Variants in SLC7A7 observed in about 807,000 individuals in gnomAD.
SLC7A7 encodes the protein Y+L amino acid transporter 1.
In SLC7A7, 39 loss-of-function variants were observed where a neutral mutation model predicts 47.9. The ratio of observed to expected loss-of-function variants is 0.81; its 90% CI spans 0.63 to 1.06. The LOEUF (loss-of-function observed/expected upper bound fraction) is 1.06, where lower values mean the gene tolerates loss of function less well. SLC7A7 is among the 50% of genes least tolerant of loss of function. The pLI, the probability that SLC7A7 is intolerant of heterozygous loss-of-function variation, is 0.00. For missense variants in SLC7A7, 588 were observed against 632.0 expected, an observed-to-expected ratio of 0.93 and a Z score of 0.75; for synonymous variants, 234 against 242.8, an observed-to-expected ratio of 0.96 and a Z score of 0.34.
intron 1 of SLC7A7, 84 bp from the exon 2 acceptor site, chr14:22,813,524 G>A (rs571845847): frequency 9.7e-6 from 12 of 1,237,862 alleles, no homozygotes; most frequent in East Asian, 7.3e-5. Flanking sequence ...AGGGTAATAC[G>A]GGCAGCTCAC....
upstream of SLC7A7, among the ~76,000 whole-genome samples, chr14:22,818,457 T>C (rs75710040): frequency 2.5e-3 from 376 of 152,102 alleles, 14 homozygotes; most frequent in East Asian, 0.067. Context: ...CAGCTCACAT[T>C]TCTCCCTGAG....
intron 2 of SLC7A7, among the ~76,000 whole-genome samples, chr14:22,781,838 C>T (rs2038724695): frequency 6.6e-6 from 1 of 152,146 alleles, no homozygotes; most frequent in African/African-American, 2.4e-5. Flanking sequence ...AGGATGCTGC[C>T]ACATTGTCAG....
intron 2 of SLC7A7, among the ~76,000 whole-genome samples, chr14:22,795,442 CTTTTCTATTCTTTTCT>C (rs1435251097): frequency 1.1e-3 from 88 of 76,606 alleles, no homozygotes; most frequent in Non-Finnish European, 2.2e-3. Context: ...TTCTTTCTTT[CTTTTCTATTCTTTTCT>C]TTTCTTTTCT....
chr14:22,786,377 C>T (rs1351202934), intron 2 of SLC7A7, among the ~76,000 whole-genome samples: 1 of 152,104 alleles, frequency 6.6e-6, no homozygotes, highest in Non-Finnish European at 1.5e-5. Flanking sequence ...CAGGCTAAAA[C>T]CCAGATTTTA....
intron 3 of SLC7A7, 47 bp from the exon 4 acceptor site, chr14:22,778,984 C>G (rs1566442829): frequency 6.2e-7 from 1 of 1,610,532 alleles, no homozygotes; most frequent in African/African-American, 1.3e-5. Context: ...GGCTCATTCT[C>G]CCACTTCAAG....
Position 22,773,695 on chromosome 14 carries a change from T to C in SLC7A7, c.1451A>G (p.Gln484Arg), listed in dbSNP as rs773635994. The C allele has an allele frequency of 1.1e-5, 18 of 1,614,052 alleles. No individual in the cohort carries two copies. Among genetic ancestry groups the C allele is most frequent in the Non-Finnish European group, 1.4e-5 (17 of 1,180,036 alleles). Reference protein sequence around the residue: ...RIVGSATRYLQVLCMSVAAEM... With the variant: ...RIVGSATRYLRVLCMSVAAEM... ...TGCAGCAACTGACATACACAGGACC[T>C]GGAGGTACCTTGTGGCAGACCCTAC... Residue 484 changes from glutamine (Q) to arginine (R), a missense_variant, in exon 10 of 10, where the codon CAG (glutamine) becomes CGG (arginine). Coordinates refer to ENST00000674313, the MANE Select transcript of SLC7A7 (RefSeq NM_003982.4).
chr14:22,803,295 G>A (rs2039146915), intron 2 of SLC7A7, among the ~76,000 whole-genome samples: 1 of 151,890 alleles, frequency 6.6e-6, no homozygotes, highest in Non-Finnish European at 1.5e-5. Flanking sequence ...GGCAGCGCCT[G>A]TAATCCCATC....
chr14:22,790,253 TG>T (rs1388185670), intron 2 of SLC7A7, among the ~76,000 whole-genome samples: 1 of 146,042 alleles, frequency 6.8e-6, no homozygotes, highest in African/African-American at 2.6e-5. Flanking sequence ...TGCTTGAGCC[TG>T]GGGAGGTCAA....
At chr14:22,816,021 C>G, upstream of SLC7A7, 1 of 228,814 alleles carries the variant, frequency 4.4e-6, no homozygotes, top group Non-Finnish European at 9.0e-6. Flanking sequence ...GCCCCAAAGT[C>G]TGAGCCTCAG....
chr14:22,796,972 A>G (rs886257807), intron 2 of SLC7A7, among the ~76,000 whole-genome samples: 4 of 152,212 alleles, frequency 2.6e-5, no homozygotes, highest in African/African-American at 9.7e-5. Context: ...AATCAATAAG[A>G]TGCATATGAT....
At chr14:22,782,836 C>T (rs369287453) in intron 2 of SLC7A7, among the ~76,000 whole-genome samples, 1 of 151,858 alleles carries the variant, frequency 6.6e-6, no homozygotes, top group African/African-American at 2.4e-5. Context: ...AATCATAGCT[C>T]ACTGCAGCAT....
Position 22,815,428 on chromosome 14 carries a change from T to C in SLC7A7, c.-151A>G. 6.6e-6 allele frequency: 3 copies of C among 454,038 alleles called. No homozygotes were observed. The highest frequency in any genetic ancestry group is 1.3e-5 in the Non-Finnish European group (3 of 226,690). 28.1% of individuals were successfully genotyped at this position (454,038 alleles called of 1,614,324 possible). A position where few individuals can be genotyped will look rare whatever the true frequency, so the allele number is the denominator to read the frequency against. ...GATGCTCCTCCTTCCCAGCCAGCAG[T>C]AAAAGGGAAGGCCAGACAAATGCCT... is the stretch of plus-strand genomic sequence containing the variant. On this transcript the variant is annotated 5_prime_UTR_variant, in exon 1 of 10. Transcript: ENST00000674313.
chr14:22,796,024 A>C (rs1170230513), intron 2 of SLC7A7, among the ~76,000 whole-genome samples: 1 of 152,188 alleles, frequency 6.6e-6, no homozygotes, highest in East Asian at 1.9e-4. Context: ...TCCAAAGTTC[A>C]CAACAAACCC....
At chr14:22,802,999 C>T (rs58995711) in intron 2 of SLC7A7, among the ~76,000 whole-genome samples, 26,615 of 152,038 alleles carry the variant, frequency 0.18, 2,520 homozygotes, top group African/African-American at 0.23. Context: ...TATTGAGCAC[C>T]TAGCAGATAC....
chr14:22,780,148 A>T, intron 2 of SLC7A7, 97 bp from the exon 3 acceptor site: 1 of 1,546,790 alleles, frequency 6.5e-7, no homozygotes, highest in Non-Finnish European at 8.9e-7. Context: ...CAAGATATAT[A>T]TACCCTTCAG....
chr14:22,800,370 A>G (rs1484043503), intron 2 of SLC7A7, among the ~76,000 whole-genome samples: 1 of 152,120 alleles, frequency 6.6e-6, no homozygotes, highest in African/African-American at 2.4e-5. Context: ...TTGACACTCT[A>G]CCCATCAAGA....
At chr14:22,804,406 T>C (rs1287377497) in intron 2 of SLC7A7, among the ~76,000 whole-genome samples, 1 of 152,074 alleles carries the variant, frequency 6.6e-6, no homozygotes, top group East Asian at 1.9e-4. Context: ...AAATAAATTA[T>C]CATCAGAGGG....
intron 2 of SLC7A7, among the ~76,000 whole-genome samples, chr14:22,797,834 A>C (rs907843310): frequency 1.3e-5 from 2 of 152,248 alleles, no homozygotes; most frequent in Non-Finnish European, 2.9e-5. Flanking sequence ...GCTGTAGTTC[A>C]ACAGCTCTAA....
intron 2 of SLC7A7, among the ~76,000 whole-genome samples, chr14:22,790,391 G>A (rs1292532308): frequency 6.6e-6 from 1 of 150,540 alleles, no homozygotes; most frequent in Non-Finnish European, 1.5e-5. Context: ...GTAGCACTGG[G>A]TGGTACTATT....
Sources: gnomAD v4.1 joint callset for allele counts (sites outside exome capture counted in the v4.1 genomes callset) on GRCh38, gnomAD v4.1.1 for gene constraint, MANE v1.5 for transcripts, NCBI Gene and HGNC (gene_info 2026-07-23, HGNC 2026-07-21) for gene names.